MAP3K15: variants seen among roughly 807,000 people sequenced by gnomAD.
MAP3K15 encodes the protein MAPK/ERK kinase kinase 15.
Under a neutral mutation model 99.5 loss-of-function variants are expected in MAP3K15, and 124 were observed. The observed-to-expected ratio is 1.25, with a 90% CI of 1.08 to 1.45. The LOEUF (loss-of-function observed/expected upper bound fraction) is 1.45. Among genes scored for constraint, MAP3K15 ranks in the 40% most tolerant of loss-of-function variants. The pLI, the probability that MAP3K15 is intolerant of heterozygous loss-of-function variation, is 0.00. For missense variants in MAP3K15, 1,242 were observed against 1,079.7 expected (o/e 1.15, Z -2.11); for synonymous variants, 494 against 439.6 (o/e 1.12, Z -1.55).
chrX:19,433,548 A>G (rs779142519), intron 6 of MAP3K15, among the ~76,000 whole-genome samples: 5 of 110,804 alleles, frequency 4.5e-5, no homozygotes, highest in African/African-American at 6.5e-5. Flanking sequence ...TCACACCACA[A>G]GCATTCCTGG....
chrX:19,481,502 G>A (rs990838951), intron 3 of MAP3K15, among the ~76,000 whole-genome samples: 3 of 111,488 alleles, frequency 2.7e-5, no homozygotes, highest in African/African-American at 3.3e-5. Context: ...CCAAAAGCAC[G>A]ATCCATAAAA....
intron 24 of MAP3K15, among the ~76,000 whole-genome samples, chrX:19,369,762 T>C (rs1478805828): frequency 9.0e-6 from 1 of 110,786 alleles, no homozygotes; most frequent in Non-Finnish European, 1.9e-5. Flanking sequence ...TAAAAAAAAT[T>C]AGCTGGGTGT....
At position 19,420,575 on chromosome X, in the gene MAP3K15, T is replaced by A. The variant is rs987944207; in HGVS notation, c.1439+4956A>T. On this transcript the variant is annotated intron_variant, in intron 9 of 28. Coordinates refer to ENST00000338883, the MANE Select transcript of MAP3K15 (RefSeq NM_001001671.4). ...CAACCAAAAAAAGTCCAGGACCAGA[T>A]GAATTCACAGCCGAATTCTACCAGA... is the stretch of plus-strand genomic sequence containing the variant. Among the ~76,000 whole-genome samples the A allele has an allele frequency of 6.3e-5, 7 of 111,653 alleles. 1 individual carries two copies. Among genetic ancestry groups the A allele is most frequent in the African/African-American group, 1.6e-4 (5 of 30,730 alleles).
At position 19,372,900 on chromosome X, in the gene MAP3K15, G is replaced by A. The variant is rs1357148575; in HGVS notation, c.2934-73C>T. On this transcript the variant is annotated intron_variant, in intron 21 of 28. Coordinates refer to ENST00000338883, the MANE Select transcript of MAP3K15 (RefSeq NM_001001671.4). ...CCCTGGGAGTGTGTCATGTTAGGAC[G>A]CCCTGGAGAAGGGCTGAGAGGTAAC... is the stretch of plus-strand genomic sequence containing the variant. 13 of 1,051,114 alleles carry A rather than the reference G, an allele frequency of 1.2e-5. No homozygotes were observed. The South Asian group carries it at 1.9e-4, about 16-fold the overall frequency. 86.6% of individuals were successfully genotyped at this position (1,051,114 alleles called of 1,213,427 possible). A position where few individuals can be genotyped will look rare whatever the true frequency, so the allele number is the denominator to read the frequency against.
chrX:19,441,540 A>G (rs1457896182), intron 6 of MAP3K15, among the ~76,000 whole-genome samples: 1 of 111,842 alleles, frequency 8.9e-6, no homozygotes, highest in Non-Finnish European at 1.9e-5. Flanking sequence ...CAGTGGCACG[A>G]TCTCACTGCA....
At chrX:19,509,581 C>T (rs1028604583) in intron 1 of MAP3K15, among the ~76,000 whole-genome samples, 4 of 111,760 alleles carry the variant, frequency 3.6e-5, no homozygotes, top group South Asian at 3.7e-4. Flanking sequence ...ATCTCTGGGA[C>T]ACAGCTAAAG....
intron 6 of MAP3K15, among the ~76,000 whole-genome samples, chrX:19,446,783 T>C (rs1403889637): frequency 7.2e-5 from 8 of 111,690 alleles, no homozygotes; most frequent in Non-Finnish European, 1.3e-4. Flanking sequence ...ACTTGTAATC[T>C]GGCACCTGGA....
intron 18 of MAP3K15, among the ~76,000 whole-genome samples, chrX:19,386,281 C>A (rs1255845710): frequency 9.0e-6 from 1 of 111,146 alleles, no homozygotes; most frequent in Admixed American, 9.6e-5. Flanking sequence ...CATGGTGAAA[C>A]CCCGTCTCTA....
At chrX:19,403,729 A>T (rs2063626683) in intron 13 of MAP3K15, among the ~76,000 whole-genome samples, 2 of 109,809 alleles carry the variant, frequency 1.8e-5, no homozygotes, top group African/African-American at 6.6e-5. Flanking sequence ...AGCCTCCCAA[A>T]GTGCTAGGAT....
chrX:19,488,771 A>G, intron 2 of MAP3K15, 57 bp downstream of exon 2: 1 of 1,106,322 alleles, frequency 9.0e-7, no homozygotes, highest in Non-Finnish European at 1.2e-6. Context: ...TTTCAGCTAG[A>G]CATATAATTC....
At chrX:19,406,374 A>G (rs2063647412) in intron 13 of MAP3K15, among the ~76,000 whole-genome samples, 1 of 112,791 alleles carries the variant, frequency 8.9e-6, no homozygotes, top group South Asian at 3.6e-4. Flanking sequence ...CATACAAAAG[A>G]ATATCATTCA....
intron 9 of MAP3K15, among the ~76,000 whole-genome samples, chrX:19,421,847 A>T (rs1355911300): frequency 3.6e-5 from 4 of 110,064 alleles, no homozygotes; most frequent in Non-Finnish European, 7.5e-5. Context: ...GACCAATGGA[A>T]CAGAACAGAG....
At chrX:19,458,793 T>G (rs1229388520) in intron 5 of MAP3K15, among the ~76,000 whole-genome samples, 1 of 112,185 alleles carries the variant, frequency 8.9e-6, no homozygotes, top group Non-Finnish European at 1.9e-5. Context: ...TTGGTCCAGG[T>G]CATAAGTGGA....
intron 6 of MAP3K15, among the ~76,000 whole-genome samples, chrX:19,452,728 G>A (rs898976753): frequency 8.9e-6 from 1 of 112,471 alleles, no homozygotes; most frequent in Non-Finnish European, 1.9e-5. Context: ...AAAGCAGTCA[G>A]AGAAAGACAA....
At chrX:19,483,514 G>A (rs913157674) in intron 3 of MAP3K15, among the ~76,000 whole-genome samples, 1 of 111,039 alleles carries the variant, frequency 9.0e-6, no homozygotes, top group Non-Finnish European at 1.9e-5. Context: ...TCAGGGTGTG[G>A]CATCTAATTC....
chrX:19,441,201 T>C (rs770564647), intron 6 of MAP3K15, among the ~76,000 whole-genome samples: 8 of 111,321 alleles, frequency 7.2e-5, no homozygotes, highest in Non-Finnish European at 1.5e-4. Context: ...GGCAAAGCCA[T>C]AGAGACAGAA....
chrX:19,380,327 C>T, intron 18 of MAP3K15, 50 bp from the exon 19 acceptor site: 1 of 1,175,397 alleles, frequency 8.5e-7, no homozygotes, highest in Non-Finnish European at 1.1e-6. Context: ...TGCTCAGAAA[C>T]TAAGTGGCCT....
intron 1 of MAP3K15, among the ~76,000 whole-genome samples, chrX:19,498,565 A>G (rs2064421429): frequency 8.9e-6 from 1 of 112,261 alleles, no homozygotes; most frequent in African/African-American, 3.2e-5. Context: ...AGGTTTCATT[A>G]TAGGTCTCTG....
intron 11 of MAP3K15, among the ~76,000 whole-genome samples, chrX:19,412,241 G>A (rs1468393742): frequency 8.9e-6 from 1 of 112,038 alleles, no homozygotes; most frequent in Non-Finnish European, 1.9e-5. Flanking sequence ...GATTTGGGAG[G>A]AACATTTACT....
Sources: gnomAD v4.1 joint callset for allele counts (sites outside exome capture counted in the v4.1 genomes callset) on GRCh38, gnomAD v4.1.1 for gene constraint, MANE v1.5 for transcripts, NCBI Gene and HGNC (gene_info 2026-07-23, HGNC 2026-07-21) for gene names.